ERICH3: variants seen among roughly 807,000 people sequenced by gnomAD.
ERICH3 encodes the protein glutamate rich 3, also known as glutamate-rich protein 3.
ERICH3 carries 126 observed loss-of-function variants against 131.1 expected under a neutral mutation model. The observed-to-expected ratio is 0.96, with a 90% CI of 0.83 to 1.11. The LOEUF (loss-of-function observed/expected upper bound fraction) is 1.11. Among genes scored for constraint, ERICH3 ranks in the 50% most tolerant of loss-of-function variants. The pLI, the probability that ERICH3 is intolerant of heterozygous loss-of-function variation, is 0.00. For missense variants in ERICH3, 2,050 were observed against 1,810.7 expected, an observed-to-expected ratio of 1.13 and a Z score of -2.40; for synonymous variants, 695 against 644.6, an observed-to-expected ratio of 1.08 and a Z score of -1.18.
At chr1:74,573,799 A>G (rs1181911249) in intron 13 of ERICH3, among the ~76,000 whole-genome samples, 1 of 152,064 alleles carries the variant, frequency 6.6e-6, no homozygotes, top group African/African-American at 2.4e-5. Context: ...AAAAAATCTC[A>G]TGTCCCCATG....
At chr1:74,582,160 A>G (rs912847112) in intron 12 of ERICH3, among the ~76,000 whole-genome samples, 1 of 152,162 alleles carries the variant, frequency 6.6e-6, no homozygotes, top group Non-Finnish European at 1.5e-5. Context: ...GAGAACACTG[A>G]ACAATTAGAG....
intron 13 of ERICH3, among the ~76,000 whole-genome samples, chr1:74,574,300 T>C (rs1041736890): frequency 1.3e-5 from 2 of 152,174 alleles, no homozygotes; most frequent in African/African-American, 4.8e-5. Context: ...CTCATTATTT[T>C]CTGTAGCAGC....
At chr1:74,617,174 CA>C (rs5775248) in intron 8 of ERICH3, among the ~76,000 whole-genome samples, 23,753 of 138,218 alleles carry the variant, frequency 0.17, 2,119 homozygotes, top group East Asian at 0.27. Context: ...AAAAAACAAA[CA>C]AAAAAAAAAA....
At chr1:74,648,107 C>T (rs965960944) in intron 2 of ERICH3, among the ~76,000 whole-genome samples, 11 of 152,108 alleles carry the variant, frequency 7.2e-5, no homozygotes, top group Admixed American at 4.6e-4. Context: ...CTGAACACTG[C>T]TAGCTGAGAG....
At chr1:74,595,418 G>A (rs930080546) in intron 11 of ERICH3, among the ~76,000 whole-genome samples, 1 of 152,000 alleles carries the variant, frequency 6.6e-6, no homozygotes, top group Non-Finnish European at 1.5e-5. Flanking sequence ...CAGATGAAAT[G>A]TCTCAAATCA....
At chr1:74,603,860 T>C (rs540276541) in intron 10 of ERICH3, among the ~76,000 whole-genome samples, 144 of 152,032 alleles carry the variant, frequency 9.5e-4, no homozygotes, top group African/African-American at 3.1e-3. Flanking sequence ...ATTCCCTTGA[T>C]GTTAGTGGCT....
At chr1:74,635,951 A>G (rs1321902286) in intron 6 of ERICH3, among the ~76,000 whole-genome samples, 1 of 152,216 alleles carries the variant, frequency 6.6e-6, no homozygotes, top group Non-Finnish European at 1.5e-5. Flanking sequence ...ATTTGGAAGA[A>G]GTCAACACTA....
At chr1:74,674,008 A>G (rs1291217411), upstream of ERICH3, among the ~76,000 whole-genome samples, 7 of 152,336 alleles carry the variant, frequency 4.6e-5, no homozygotes, top group South Asian at 1.5e-3. Context: ...TGGGGAAGGA[A>G]GGACTGGGTA....
chr1:74,654,976 C>A (rs1037144190), intron 1 of ERICH3, among the ~76,000 whole-genome samples: 1 of 151,948 alleles, frequency 6.6e-6, no homozygotes. Context: ...TATAATCCAC[C>A]CAATTCTCCA....
At chr1:74,654,366 A>ATG (rs1646564316) in intron 1 of ERICH3, among the ~76,000 whole-genome samples, 2 of 151,480 alleles carry the variant, frequency 1.3e-5, no homozygotes, top group South Asian at 2.1e-4. Context: ...GTATATATAT[A>ATG]TATGTATGTA....
intron 7 of ERICH3, among the ~76,000 whole-genome samples, chr1:74,626,823 G>C (rs151302995): frequency 6.6e-6 from 1 of 152,100 alleles, no homozygotes; most frequent in Non-Finnish European, 1.5e-5. Context: ...ACTGTGAGTC[G>C]TACCACACCT....
At chr1:74,630,255 T>G (rs1056934479) in intron 7 of ERICH3, among the ~76,000 whole-genome samples, 1 of 152,200 alleles carries the variant, frequency 6.6e-6, no homozygotes, top group Non-Finnish European at 1.5e-5. Flanking sequence ...AATGCCAGCA[T>G]GCAGAGTGAA....
chr1:74,632,624 C>A (rs980759661), intron 6 of ERICH3, among the ~76,000 whole-genome samples: 1 of 151,676 alleles, frequency 6.6e-6, no homozygotes, highest in Admixed American at 6.6e-5. Flanking sequence ...TCATATAAGT[C>A]CATCAATAGG....
chr1:74,579,828 A>G (rs1221422163), intron 12 of ERICH3: 13 of 984,912 alleles, frequency 1.3e-5, no homozygotes, highest in Non-Finnish European at 1.6e-5. Context: ...AAAGGTGACC[A>G]CTGGAGGCAA....
intron 1 of ERICH3, among the ~76,000 whole-genome samples, chr1:74,672,042 T>C (rs968217995): frequency 1.3e-5 from 2 of 152,212 alleles, no homozygotes; most frequent in Non-Finnish European, 2.9e-5. Flanking sequence ...TTCAGAAAAA[T>C]TTGACTTCAG....
intron 12 of ERICH3, among the ~76,000 whole-genome samples, chr1:74,584,494 T>C (rs1570820040): frequency 6.6e-6 from 1 of 152,168 alleles, no homozygotes; most frequent in South Asian, 2.1e-4. Context: ...TTTGGGGCCA[T>C]TGCACTTGCT....
At chr1:74,657,773 C>A (rs1646599247) in intron 1 of ERICH3, among the ~76,000 whole-genome samples, 1 of 152,054 alleles carries the variant, frequency 6.6e-6, no homozygotes, top group Admixed American at 6.6e-5. Context: ...CGGAGACACA[C>A]TAAGTTTGAC....
intron 2 of ERICH3, among the ~76,000 whole-genome samples, chr1:74,647,409 T>C (rs1484645120): frequency 6.6e-6 from 1 of 152,094 alleles, no homozygotes; most frequent in Non-Finnish European, 1.5e-5. Context: ...CTGCTTTTTT[T>C]TTCTTCCACT....
intron 11 of ERICH3, among the ~76,000 whole-genome samples, chr1:74,596,230 T>C (rs1647842448): frequency 6.6e-6 from 1 of 152,066 alleles, no homozygotes; most frequent in Non-Finnish European, 1.5e-5. Flanking sequence ...CTTTTTTTCA[T>C]ATTCTGGGAG....
Sources: gnomAD v4.1 joint callset for allele counts (sites outside exome capture counted in the v4.1 genomes callset) on GRCh38, gnomAD v4.1.1 for gene constraint, MANE v1.5 for transcripts, NCBI Gene and HGNC (gene_info 2026-07-23, HGNC 2026-07-21) for gene names.